Variants in PRKAR1A observed in about 807,000 individuals in gnomAD.
PRKAR1A encodes the protein cAMP-dependent protein kinase type I-alpha regulatory subunit.
Under a neutral mutation model 52.0 loss-of-function variants are expected in PRKAR1A, and 3 were observed. That is an observed-to-expected ratio of 0.06 (90% CI 0.03 to 0.15). PRKAR1A has a LOEUF of 0.15. PRKAR1A is among the 10% of genes least tolerant of loss of function. The probability of loss-of-function intolerance (pLI) is 1.00; values close to 1 mark genes in which losing one functional copy is unlikely to be tolerated. For synonymous variants in PRKAR1A, 188 were observed against 168.4 expected (o/e 1.12, Z -0.90); for missense variants, 240 against 477.4 (o/e 0.50, Z 4.63).
intron 11 of PRKAR1A, chr17:68,540,518 C>G (rs1288160140): frequency 2.1e-6 from 1 of 484,856 alleles, no homozygotes; most frequent in African/African-American, 1.9e-5. Flanking sequence ...CTCCCTGCTA[C>G]ATATTTGTGT....
upstream of PRKAR1A, among the ~76,000 whole-genome samples, chr17:68,510,196 A>AGAGAGAGAGAGAGAGAGAGAGAGC (rs1600450203): frequency 2.0e-5 from 3 of 147,864 alleles, no homozygotes; most frequent in Non-Finnish European, 3.0e-5. Context: ...AGAGAGAGAG[A>AGAGAGAGAGAGAGAGAGAGAGAGC]TCTATCTATT....
At chr17:68,487,170 C>T in the PRKAR1A span, among the ~76,000 whole-genome samples, 699 of 152,326 alleles carry the variant, frequency 4.6e-3, 11 homozygotes, top group African/African-American at 0.016. Context: ...CTGCGCCCGG[C>T]CTGTTATGTG....
the PRKAR1A span, among the ~76,000 whole-genome samples, chr17:68,497,264 T>C: frequency 4.2e-3 from 633 of 152,370 alleles, 2 homozygotes; most frequent in Middle Eastern, 0.014. Flanking sequence ...TTGTTGTCTA[T>C]GCTGCTTTCA....
chr17:68,474,671 G>A, the PRKAR1A span, among the ~76,000 whole-genome samples: 2 of 152,104 alleles, frequency 1.3e-5, no homozygotes, highest in East Asian at 1.9e-4. Context: ...CGAGGCGGGC[G>A]GATAACGAGG....
chr17:68,449,701 C>A, the PRKAR1A span, among the ~76,000 whole-genome samples: 4 of 152,202 alleles, frequency 2.6e-5, no homozygotes, highest in Non-Finnish European at 5.9e-5. Context: ...GCTCCCTGAG[C>A]CCTCCCCAGA....
downstream of PRKAR1A, chr17:68,537,546 C>T: frequency 1.2e-6 from 2 of 1,613,732 alleles, no homozygotes; most frequent in Non-Finnish European, 1.7e-6. This position sits in a 1 kb window ranked among gnomAD's most constrained non-coding sequence, Gnocchi z 4.2. Flanking sequence ...CTATGACACT[C>T]TGCTGTCCAT....
chr17:68,417,732 A>ATT, the PRKAR1A span, among the ~76,000 whole-genome samples: 6 of 63,188 alleles, frequency 9.5e-5, no homozygotes, highest in Non-Finnish European at 1.7e-4. Flanking sequence ...AGAGTTGCTG[A>ATT]ATTTTTTTTT....
chr17:68,463,856 C>G, the PRKAR1A span, among the ~76,000 whole-genome samples: 1 of 152,206 alleles, frequency 6.6e-6, no homozygotes, highest in Admixed American at 6.5e-5. Flanking sequence ...GAATTCGACA[C>G]AGACAGCTGT....
the PRKAR1A span, chr17:68,433,550 A>G: frequency 6.2e-7 from 1 of 1,613,788 alleles, no homozygotes; most frequent in South Asian, 1.1e-5. Context: ...TCCATACTGA[A>G]CACTAGAGAG....
the PRKAR1A span, among the ~76,000 whole-genome samples, chr17:68,477,142 C>T: frequency 6.6e-6 from 1 of 152,238 alleles, no homozygotes; most frequent in Middle Eastern, 3.4e-3. Context: ...TTTATAAATC[C>T]ACAACAATCA....
chr17:68,489,186 GTATATATATATATATATATATATATA>G, the PRKAR1A span, among the ~76,000 whole-genome samples: 188 of 11,090 alleles, frequency 0.017, 18 homozygotes, highest in African/African-American at 0.043. Flanking sequence ...ATCTTGGAAA[GTATATATATATATATATATATATATA>G]TATATATATA....
At chr17:68,507,551 T>A (rs2085213548), upstream of PRKAR1A, among the ~76,000 whole-genome samples, 1 of 152,088 alleles carries the variant, frequency 6.6e-6, no homozygotes, top group Non-Finnish European at 1.5e-5. Flanking sequence ...AATACCTAGG[T>A]GATGAGCTGA....
At chr17:68,473,245 A>C in the PRKAR1A span, among the ~76,000 whole-genome samples, 1 of 152,208 alleles carries the variant, frequency 6.6e-6, no homozygotes, top group Non-Finnish European at 1.5e-5. Flanking sequence ...ACTTACATTT[A>C]AACTAAAATT....
upstream of PRKAR1A, among the ~76,000 whole-genome samples, chr17:68,509,961 T>C (rs2085241334): frequency 6.6e-6 from 1 of 152,198 alleles, no homozygotes; most frequent in African/African-American, 2.4e-5. Context: ...CTCAGCTCAA[T>C]GTCAGCAGCT....
chr17:68,433,604 G>T, the PRKAR1A span: 1 of 1,586,052 alleles, frequency 6.3e-7, no homozygotes. Context: ...ATGGGTCAGT[G>T]AGCAAGAGAA....
At chr17:68,490,296 G>T in the PRKAR1A span, among the ~76,000 whole-genome samples, 809 of 152,306 alleles carry the variant, frequency 5.3e-3, 15 homozygotes, top group African/African-American at 0.019. Flanking sequence ...ATCCCATTGG[G>T]GCCCTTTGTT....
the PRKAR1A span, among the ~76,000 whole-genome samples, chr17:68,486,471 C>CTCCTTCCT: frequency 2.3e-3 from 220 of 97,578 alleles, 3 homozygotes; most frequent in African/African-American, 6.0e-3. Context: ...CTTTCTTTCT[C>CTCCTTCCT]TCCTTCCTTC....
the PRKAR1A span, among the ~76,000 whole-genome samples, chr17:68,475,439 C>T: frequency 6.6e-6 from 1 of 152,170 alleles, no homozygotes; most frequent in Non-Finnish European, 1.5e-5. Flanking sequence ...TGTATAGCTT[C>T]ATCCTAGCCA....
At chr17:68,420,224 G>A in the PRKAR1A span, 1 of 1,614,136 alleles carries the variant, frequency 6.2e-7, no homozygotes. Flanking sequence ...CACGGGGCCT[G>A]AGCTGCAGCA....
Sources: gnomAD v4.1 joint callset for allele counts (sites outside exome capture counted in the v4.1 genomes callset) on GRCh38, gnomAD v4.1.1 for gene constraint, Gnocchi (gnomAD v3.1) non-coding constraint, MANE v1.5 for transcripts, NCBI Gene and HGNC (gene_info 2026-07-23, HGNC 2026-07-21) for gene names.